RBPMS: variants seen among roughly 807,000 people sequenced by gnomAD.
The protein encoded by RBPMS is RNA binding protein, mRNA processing factor.
A neutral mutation model predicts 26.8 loss-of-function variants in RBPMS; 7 were observed. The observed-to-expected ratio is 0.26, with a 90% CI of 0.15 to 0.49. The LOEUF (loss-of-function observed/expected upper bound fraction) is 0.49, where lower values mean the gene tolerates loss of function less well. Among genes scored for constraint, RBPMS ranks in the 20% least tolerant of loss-of-function variants. RBPMS has a pLI of 0.98. For synonymous variants in RBPMS, 96 were observed against 93.3 expected, an observed-to-expected ratio of 1.03 and a Z score of -0.17; for missense variants, 186 against 250.0, an observed-to-expected ratio of 0.74 and a Z score of 1.73.
intron 8 of RBPMS, among the ~76,000 whole-genome samples, chr8:30,567,746 G>A (rs1389925178): frequency 6.6e-6 from 1 of 152,234 alleles, no homozygotes; most frequent in Non-Finnish European, 1.5e-5. Flanking sequence ...AGAGGGGACA[G>A]GTTTGGGTCA....
chr8:30,516,552 C>A (rs1194867915), intron 5 of RBPMS, among the ~76,000 whole-genome samples: 1 of 152,094 alleles, frequency 6.6e-6, no homozygotes, highest in Non-Finnish European at 1.5e-5. Context: ...GGAGACTCTA[C>A]CCAAGTATCT....
In RBPMS at chr8:30,518,675, G is replaced by C. The variant is rs190167161; in HGVS notation, c.397+14239G>C. Among the ~76,000 whole-genome samples the C allele has an allele frequency of 1.1e-3, 86 of 75,454 alleles. 1 individual carries two copies. Among genetic ancestry groups the C allele is most frequent in the African/African-American group, 4.2e-3 (85 of 20,258 alleles). The allele number at this position is 75,454 out of a possible 152,430, so 49.5% of individuals were successfully genotyped here. A position where few individuals can be genotyped will look rare whatever the true frequency, so the allele number is the denominator to read the frequency against. On this transcript the variant is annotated intron_variant, in intron 5 of 8. Coordinates refer to ENST00000397323, the MANE Select transcript of RBPMS (RefSeq NM_001008710.3). ...ACTCCTGACCTCCAGTGATCCGCCC[G>C]GCCAAGCATGACTTTTTTTTTTTTT...
At chr8:30,522,269 A>AT (rs1405798589) in intron 5 of RBPMS, among the ~76,000 whole-genome samples, 2 of 150,682 alleles carry the variant, frequency 1.3e-5, no homozygotes, top group African/African-American at 4.9e-5. Flanking sequence ...CCCCATCTCT[A>AT]TTTAAAAAAA....
intron 1 of RBPMS, among the ~76,000 whole-genome samples, chr8:30,451,507 A>T (rs1814587298): frequency 6.6e-6 from 1 of 152,140 alleles, no homozygotes. Flanking sequence ...TGAGATTCTG[A>T]TAGATATGGA....
intron 1 of RBPMS, among the ~76,000 whole-genome samples, chr8:30,419,387 A>C (rs1418673977): frequency 6.6e-6 from 1 of 151,924 alleles, no homozygotes; most frequent in Non-Finnish European, 1.5e-5. Flanking sequence ...CAGAGGTAGC[A>C]GTGAGCCAAG....
In RBPMS at chr8:30,531,686, A is replaced by T. The variant is rs138989681; in HGVS notation, c.398-12808A>T. Reference sequence around the variant, plus strand: ...AGCATTTGCCAAGTTTTCACTGTTTATCTTACCGGAAAGTCAACAGTGTGA... The same window carrying T: ...AGCATTTGCCAAGTTTTCACTGTTTTTCTTACCGGAAAGTCAACAGTGTGA... On this transcript the variant is annotated intron_variant, in intron 5 of 8. Coordinates refer to ENST00000397323, the MANE Select transcript of RBPMS (RefSeq NM_001008710.3). Among the ~76,000 whole-genome samples the T allele has an allele frequency of 5.4e-3, 816 of 152,336 alleles. 3 individuals carry two copies. Among genetic ancestry groups the T allele is most frequent in the African/African-American group, 0.019 (770 of 41,564 alleles).
chr8:30,482,995 C>A (rs960896810), intron 4 of RBPMS, among the ~76,000 whole-genome samples: 1 of 152,120 alleles, frequency 6.6e-6, no homozygotes, highest in East Asian at 1.9e-4. Context: ...CAGGAAGCAG[C>A]GCATGTTGAA....
intron 5 of RBPMS, among the ~76,000 whole-genome samples, chr8:30,528,190 AAGAT>A (rs1337684492): frequency 2.0e-5 from 3 of 152,128 alleles, no homozygotes; most frequent in Admixed American, 1.3e-4. Context: ...AAAAAAAAAA[AAGAT>A]AGGTTTAAAA....
intron 1 of RBPMS, chr8:30,453,933 C>T (rs1814909417): frequency 6.6e-6 from 1 of 152,158 alleles, no homozygotes. Context: ...AATTCATACT[C>T]CTAAGCCTCA....
At chr8:30,391,139 C>T (rs1009140633) in intron 1 of RBPMS, among the ~76,000 whole-genome samples, 3 of 152,088 alleles carry the variant, frequency 2.0e-5, no homozygotes, top group Non-Finnish European at 4.4e-5. Flanking sequence ...CATTAGGAAC[C>T]TCCATTTGCG....
At chr8:30,511,463 CAAAA>C (rs1563392535) in intron 5 of RBPMS, among the ~76,000 whole-genome samples, 1 of 29,788 alleles carries the variant, frequency 3.4e-5, no homozygotes, top group Admixed American at 4.3e-4. Flanking sequence ...CTCTTTAAAA[CAAAA>C]AAAGAAAAAA....
intron 2 of RBPMS, among the ~76,000 whole-genome samples, 191 bp downstream of exon 2, chr8:30,475,047 C>T (rs1440448432): frequency 6.6e-6 from 1 of 152,160 alleles, no homozygotes; most frequent in Non-Finnish European, 1.5e-5. Context: ...ATTTATATTT[C>T]AAATGCAGTA....
intron 1 of RBPMS, among the ~76,000 whole-genome samples, chr8:30,416,896 A>G (rs535328456): frequency 6.6e-6 from 1 of 152,156 alleles, no homozygotes; most frequent in South Asian, 2.1e-4. Flanking sequence ...CAGCCTCCCA[A>G]ATAGCTGGGA....
chr8:30,456,986 T>C (rs1382710787), intron 1 of RBPMS, among the ~76,000 whole-genome samples: 1 of 152,214 alleles, frequency 6.6e-6, no homozygotes, highest in Non-Finnish European at 1.5e-5. Flanking sequence ...ATCTGGGATG[T>C]TGGTCGTATC....
chr8:30,549,459 T>C (rs1466428603), intron 6 of RBPMS: 1 of 1,519,876 alleles, frequency 6.6e-7, no homozygotes, highest in Non-Finnish European at 9.1e-7. Context: ...TAAATGAAAT[T>C]GTTAATCCTC....
chr8:30,441,065 G>A (rs1033936797), intron 1 of RBPMS, among the ~76,000 whole-genome samples: 3 of 151,336 alleles, frequency 2.0e-5, no homozygotes, highest in African/African-American at 4.9e-5. Flanking sequence ...CAATCTTCCC[G>A]CCTCAGCCTT....
chr8:30,561,915 C>T, intron 7 of RBPMS: 1 of 985,334 alleles, frequency 1.0e-6, no homozygotes, highest in South Asian at 4.7e-5. Context: ...ATCTGCTCAC[C>T]TAATTTTTTT....
chr8:30,442,907 A>G (rs1003321825), intron 1 of RBPMS: 1 of 152,232 alleles, frequency 6.6e-6, no homozygotes, highest in Non-Finnish European at 1.5e-5. Flanking sequence ...GGGGAAGGCT[A>G]TAGAAAGACT....
chr8:30,556,665 G>GC lies in RBPMS; in HGVS notation c.529-2216dup, dbSNP rs1329747111. The GC allele has an allele frequency of 1.3e-5, 13 of 985,928 alleles. No homozygotes were observed. In the South Asian group the frequency reaches 3.8e-4, roughly 28 times the overall value. 61.1% of individuals were successfully genotyped at this position (985,928 alleles called of 1,614,324 possible). A position where few individuals can be genotyped will look rare whatever the true frequency, so the allele number is the denominator to read the frequency against. ...CCTCTACTGTGTGTTTAGGTGTCCA[G>GC]CCCCCCACCTGCCATGGGGGCTCTG... On this transcript the variant is annotated intron_variant, in intron 6 of 8. Transcript: ENST00000397323.
Sources: allele counts gnomAD v4.1 joint callset (sites outside exome capture counted in the v4.1 genomes callset), GRCh38; gene constraint gnomAD v4.1.1; transcripts MANE v1.5; gene names NCBI Gene and HGNC (gene_info 2026-07-23, HGNC 2026-07-21).